Variants in MCM8 observed in about 807,000 individuals in gnomAD.
MCM8 encodes DNA helicase MCM8.
A neutral mutation model predicts 98.9 loss-of-function variants in MCM8; 85 were observed. The ratio of observed to expected loss-of-function variants is 0.86; its 90% CI spans 0.72 to 1.03. The LOEUF is 1.03. Ranked by LOEUF, MCM8 falls within the 50% of genes least tolerant of loss-of-function variation. The pLI is 0.00. For synonymous variants in MCM8, 352 were observed against 338.6 expected, an observed-to-expected ratio of 1.04 and a Z score of -0.44; for missense variants, 951 against 997.8, an observed-to-expected ratio of 0.95 and a Z score of 0.63.
chr20:5,952,504 G>A lies in MCM8; in HGVS notation c.229G>A (p.Gly77Ser). Residue 77 changes from glycine to serine, a missense_variant, in exon 3 of 19, where the codon GGC becomes AGC. Coordinates refer to ENST00000610722, the MANE Select transcript of MCM8 (RefSeq NM_032485.6). The stretch of plus-strand genomic sequence containing the variant: ...ATTGGATCGATTCATACCATATAAA[G>A]GCTGGAAGCTTTATTTCTCTGAAGG... ...STLDRFIPYKGWKLYFSEVYS... is the reference protein window; with the variant it reads ...STLDRFIPYKSWKLYFSEVYS... The A allele has an allele frequency of 6.2e-7, 1 of 1,613,552 alleles. No homozygotes were observed. Among genetic ancestry groups the A allele is most frequent in the Non-Finnish European group, 8.5e-7 (1 of 1,179,824 alleles).
intron 3 of MCM8, among the ~76,000 whole-genome samples, chr20:5,953,779 T>C (rs1304378194): frequency 1.3e-5 from 1 of 76,732 alleles, no homozygotes; most frequent in African/African-American, 1.3e-4. Context: ...AGCCGCATAC[T>C]TTTTTTTTTT....
rs1322714442 is a variant in MCM8, at chr20:5,953,439, GT to G, written c.253+912del. Reference sequence around the variant, plus strand: ...ATTTGTTTCTTATGTCTCATGAGGGGTGTGTGTGTGTGTGTGTGTGTGTGTG... The same window carrying G: ...ATTTGTTTCTTATGTCTCATGAGGGGGTGTGTGTGTGTGTGTGTGTGTGTG... On this transcript the variant is annotated intron_variant, in intron 3 of 18. Transcript: ENST00000610722. Among the ~76,000 whole-genome samples the G allele has an allele frequency of 8.8e-3, 78 of 8,850 alleles. No individual in the cohort carries two copies. In the East Asian group the frequency reaches 0.3, roughly 34 times the overall value. The allele number at this position is 8,850 out of a possible 152,430, so 5.8% of individuals were successfully genotyped here.
chr20:5,973,749 C>CTTTTTTTT (rs2089453102), intron 12 of MCM8, among the ~76,000 whole-genome samples: 1 of 152,086 alleles, frequency 6.6e-6, no homozygotes, highest in African/African-American at 2.4e-5. Context: ...CTGCCTCCCA[C>CTTTTTTTT]TTTTAAGCAA....
intron 15 of MCM8, among the ~76,000 whole-genome samples, chr20:5,985,461 A>AATCTAAG (rs992139901): frequency 1.3e-5 from 2 of 149,734 alleles, no homozygotes; most frequent in Non-Finnish European, 3.0e-5. Context: ...AAAAAAAAGG[A>AATCTAAG]ATCTAAGTCA....
intron 17 of MCM8, among the ~76,000 whole-genome samples, chr20:5,988,837 G>T (rs780317549): frequency 1.3e-5 from 2 of 152,156 alleles, no homozygotes; most frequent in Non-Finnish European, 2.9e-5. Flanking sequence ...TGAGGTTTGC[G>T]TGGTGTCAGA....
At position 5,967,905 on chromosome 20, in the gene MCM8, A is replaced by T. The variant is rs777706929; in HGVS notation, c.1103A>T (p.Gln368Leu). The change falls in exon 10 of 19, where the codon CAG becomes CTG. Residue 368 changes from glutamine to leucine, a missense_variant. Gln to Leu is a moderately radical substitution (Grantham distance 113, BLOSUM62 -2). Coordinates refer to ENST00000610722, the MANE Select transcript of MCM8 (RefSeq NM_032485.6). The stretch of plus-strand genomic sequence containing the variant: ...AATTCTATTAGTAATAGCAAAGGAC[A>T]GAAAACAAAGAGTTCTGAGGATGGG... ...EANSISNSKG[Q>L]KTKSSEDGCK... is the part of the protein sequence containing the mutation. 1.2e-6 allele frequency: 2 copies of T among 1,613,974 alleles called. No homozygotes were observed. Among genetic ancestry groups the T allele is most frequent in the Non-Finnish European group, 1.7e-6 (2 of 1,179,942 alleles).
At chr20:5,975,444 ATC>A (rs1020041613) in intron 12 of MCM8, among the ~76,000 whole-genome samples, 2 of 150,892 alleles carry the variant, frequency 1.3e-5, no homozygotes, top group African/African-American at 2.4e-5. Flanking sequence ...ATCTGTACAA[ATC>A]TCATAATTTA....
chr20:5,989,077 A>C (rs1176281616), intron 17 of MCM8, among the ~76,000 whole-genome samples: 3 of 150,862 alleles, frequency 2.0e-5, no homozygotes, highest in African/African-American at 7.4e-5. Flanking sequence ...CTGATACATT[A>C]GAGAACACTC....
rs1421649413 is a variant in MCM8, at chr20:5,963,432, GTATTA to G, written c.875+78_875+82del. 2.5e-5 allele frequency: 26 copies of G among 1,033,466 alleles called. 1 individual carries two copies. In the Middle Eastern group the frequency reaches 1.6e-3, roughly 65 times the overall value. The allele number at this position is 1,033,466 out of a possible 1,614,324, so 64.0% of individuals were successfully genotyped here. A position where few individuals can be genotyped will look rare whatever the true frequency, so the allele number is the denominator to read the frequency against. On this transcript the variant is annotated intron_variant, in intron 8 of 18. Coordinates refer to ENST00000610722, the MANE Select transcript of MCM8 (RefSeq NM_032485.6). ...TGTTGAGAAAATCCATAATTTTACT[GTATTA>G]TATTGTACGTTTTATCTAAATGACA...
Position 5,977,949 on chromosome 20 carries a change from C to G in MCM8, c.1469C>G (p.Thr490Ser). 6.2e-7 allele frequency: 1 copy of G among 1,614,228 alleles called. No individual in the cohort carries two copies. Among genetic ancestry groups the G allele is most frequent in the Non-Finnish European group, 8.5e-7 (1 of 1,180,042 alleles). The change falls in exon 13 of 19, where the codon ACT (threonine) becomes AGT (serine). Residue 490 changes from threonine (T) to serine (S), a missense_variant. By Grantham distance (58) the Thr-to-Ser change is moderately conservative. Coordinates refer to ENST00000610722, the MANE Select transcript of MCM8 (RefSeq NM_032485.6). ...NTTTTSGLTV[T>S]LSKDSSSGDF... is the part of the protein sequence containing the mutation. ...ACGACCACCTCTGGTCTGACGGTAACTCTTTCAAAAGATAGTTCCTCTGGA... is the reference window on the plus strand; with the variant it reads ...ACGACCACCTCTGGTCTGACGGTAAGTCTTTCAAAAGATAGTTCCTCTGGA...
chr20:5,967,005 T>A (rs1032661635), intron 8 of MCM8, among the ~76,000 whole-genome samples: 1 of 152,226 alleles, frequency 6.6e-6, no homozygotes, highest in African/African-American at 2.4e-5. Context: ...CTGCTCTCTA[T>A]TCCTGCCACA....
intron 6 of MCM8, 110 bp from the exon 7 acceptor site, chr20:5,958,418 A>G: frequency 1.3e-6 from 1 of 774,346 alleles, no homozygotes; most frequent in South Asian, 1.7e-5. Context: ...TATTTCTGAT[A>G]TATCGAAGGG....
chr20:5,982,802 T>C (rs2089654918), intron 13 of MCM8, among the ~76,000 whole-genome samples, 168 bp from the exon 14 acceptor site: 1 of 152,234 alleles, frequency 6.6e-6, no homozygotes, highest in Non-Finnish European at 1.5e-5. Context: ...AAGACAAATG[T>C]ATTAACTTGC....
In MCM8 at chr20:5,967,941, G is replaced by C; in HGVS notation, c.1139G>C (p.Gly380Ala). The C allele has an allele frequency of 1.2e-6, 2 of 1,614,122 alleles. No homozygotes were observed. Among genetic ancestry groups the C allele is most frequent in the East Asian group, 2.2e-5 (1 of 44,860 alleles). Reference protein sequence around the residue: ...TKSSEDGCKHGMLMEFSLKDL... With the variant: ...TKSSEDGCKHAMLMEFSLKDL... ...AGTTCTGAGGATGGGTGTAAGCATG[G>C]AATGTTGATGGAGTTCTCACTTAAA... Residue 380 changes from glycine (G) to alanine (A), a missense_variant, in exon 10 of 19, where the codon GGA becomes GCA. Transcript: ENST00000610722.
intron 13 of MCM8, among the ~76,000 whole-genome samples, chr20:5,980,892 AG>A (rs1419771792): frequency 6.7e-6 from 1 of 149,198 alleles, no homozygotes; most frequent in Non-Finnish European, 1.5e-5. Flanking sequence ...AAAAAAAAAA[AG>A]TTCAAAGTTT....
intron 14 of MCM8, among the ~76,000 whole-genome samples, chr20:5,983,494 G>A (rs1161699724): frequency 6.6e-6 from 1 of 152,204 alleles, no homozygotes; most frequent in East Asian, 1.9e-4. Flanking sequence ...GAAGTCAGGA[G>A]TTTGAGAACA....
chr20:5,960,852 T>C (rs1439940334), intron 7 of MCM8, among the ~76,000 whole-genome samples: 1 of 152,182 alleles, frequency 6.6e-6, no homozygotes, highest in Non-Finnish European at 1.5e-5. Flanking sequence ...GGAGAATCGC[T>C]TGAACCCAAG....
rs1229425255 is a variant in MCM8 at position 5,998,410 on chromosome 20, C to G, written c.*4019C>G. On this transcript the variant is annotated 3_prime_UTR_variant, in exon 19 of 19. Coordinates refer to ENST00000610722, the MANE Select transcript of MCM8 (RefSeq NM_032485.6). ...GAGCCATCTTCCTCTTGCTTGTGTT[C>G]TGGTGGCATGTGTGGTTGAGGAGAC... 1 of 152,270 alleles carries G rather than the reference C, an allele frequency of 6.6e-6. No homozygotes were observed. Among genetic ancestry groups the G allele is most frequent in the African/African-American group, 2.4e-5 (1 of 41,466 alleles). The allele number at this position is 152,270 out of a possible 1,614,324, so 9.4% of individuals were successfully genotyped here.
chr20:5,969,189 C>T (rs1264873256), intron 10 of MCM8, among the ~76,000 whole-genome samples: 1 of 152,210 alleles, frequency 6.6e-6, no homozygotes. Flanking sequence ...AATTTTTTGA[C>T]AACTGTGGGG....
Sources: gnomAD v4.1 joint callset for allele counts (sites outside exome capture counted in the v4.1 genomes callset) on GRCh38, gnomAD v4.1.1 for gene constraint, MANE v1.5 for transcripts, NCBI Gene and HGNC (gene_info 2026-07-23, HGNC 2026-07-21) for gene names.